The following CTNNA3 variants were observed in gnomAD, a reference collection of about 807,000 sequenced individuals.
CTNNA3 encodes catenin alpha 3.
Under a neutral mutation model 95.7 loss-of-function variants are expected in CTNNA3, and 76 were observed. That is an observed-to-expected ratio of 0.79 (90% confidence interval 0.66 to 0.96). The LOEUF (loss-of-function observed/expected upper bound fraction) is 0.96. CTNNA3 is among the 40% of genes least tolerant of loss of function. The probability of loss-of-function intolerance (pLI) is 0.00; values close to 1 mark genes in which losing one functional copy is unlikely to be tolerated. For missense variants in CTNNA3, 1,191 were observed against 1,089.8 expected (o/e 1.09, Z -1.31); for synonymous variants, 431 against 374.4 (o/e 1.15, Z -1.74).
intron 7 of CTNNA3, among the ~76,000 whole-genome samples, chr10:67,038,902 T>A (rs1052091930): frequency 6.6e-6 from 1 of 152,086 alleles, no homozygotes; most frequent in Non-Finnish European, 1.5e-5. Context: ...AAGGAACAAA[T>A]TAACTATAAA....
intron 13 of CTNNA3, among the ~76,000 whole-genome samples, chr10:66,138,820 C>A (rs759938547): frequency 6.6e-6 from 1 of 152,144 alleles, no homozygotes; most frequent in Non-Finnish European, 1.5e-5. Context: ...GATTGCACCA[C>A]TGCATTCCAG....
At chr10:66,047,307 A>T (rs1354733513) in intron 15 of CTNNA3, among the ~76,000 whole-genome samples, 1 of 152,014 alleles carries the variant, frequency 6.6e-6, no homozygotes, top group Non-Finnish European at 1.5e-5. Context: ...CATCCCTGGG[A>T]TGCAAGGTTG....
intron 7 of CTNNA3, among the ~76,000 whole-genome samples, chr10:66,987,030 C>A (rs556653469): frequency 1.6e-4 from 25 of 152,162 alleles, no homozygotes; most frequent in African/African-American, 3.1e-4. Context: ...AGAAACCAAG[C>A]AGATATACAA....
chr10:66,983,906 A>C (rs12775004), intron 7 of CTNNA3, among the ~76,000 whole-genome samples: 7,266 of 152,320 alleles, frequency 0.048, 210 homozygotes, highest in Middle Eastern at 0.071. Flanking sequence ...CTCTATGCTA[A>C]GTCCTTTGCA....
At chr10:67,528,067 CT>C (rs1314932741) in intron 4 of CTNNA3, among the ~76,000 whole-genome samples, 1 of 152,136 alleles carries the variant, frequency 6.6e-6, no homozygotes, top group Non-Finnish European at 1.5e-5. Flanking sequence ...CCTTCTGACT[CT>C]TTTTGTTTCC....
At chr10:67,164,362 G>A (rs1283592414) in intron 7 of CTNNA3, among the ~76,000 whole-genome samples, 5 of 152,068 alleles carry the variant, frequency 3.3e-5, no homozygotes, top group East Asian at 1.9e-4. Context: ...TCCAATGGAG[G>A]AACAAATAGT....
At chr10:66,742,339 C>T (rs1290011983) in intron 9 of CTNNA3, among the ~76,000 whole-genome samples, 1 of 152,154 alleles carries the variant, frequency 6.6e-6, no homozygotes, top group Admixed American at 6.5e-5. Flanking sequence ...GTTGTCTGCT[C>T]TCAAACCCTG....
intron 9 of CTNNA3, among the ~76,000 whole-genome samples, chr10:66,714,490 C>T (rs1848392458): frequency 1.3e-5 from 2 of 152,256 alleles, no homozygotes; most frequent in South Asian, 4.1e-4. Context: ...GACCCTTCAT[C>T]ACTGCTTCCA....
chr10:67,199,822 G>T (rs148647910), intron 6 of CTNNA3, among the ~76,000 whole-genome samples: 7 of 152,096 alleles, frequency 4.6e-5, no homozygotes, highest in Non-Finnish European at 8.8e-5. Flanking sequence ...AGATATTGAC[G>T]TTATGCAGTG....
chr10:66,656,877 G>A (rs1846091193), intron 9 of CTNNA3, among the ~76,000 whole-genome samples: 1 of 151,980 alleles, frequency 6.6e-6, no homozygotes, highest in African/African-American at 2.4e-5. Flanking sequence ...CTTCCCAAGA[G>A]TAAGAAAAAA....
chr10:66,322,742 C>T (rs951716877), intron 12 of CTNNA3, among the ~76,000 whole-genome samples: 1 of 152,032 alleles, frequency 6.6e-6, no homozygotes, highest in Admixed American at 6.5e-5. Context: ...GCCAGCTGCA[C>T]TTAAGTGTCA....
chr10:67,497,380 C>A (rs1338172002), intron 5 of CTNNA3, among the ~76,000 whole-genome samples: 1 of 152,130 alleles, frequency 6.6e-6, no homozygotes, highest in East Asian at 1.9e-4. Flanking sequence ...GTGAACAGTG[C>A]TCCCATAAAC....
chr10:66,339,628 C>T (rs1314533329), intron 12 of CTNNA3, among the ~76,000 whole-genome samples: 1 of 151,822 alleles, frequency 6.6e-6, no homozygotes, highest in Non-Finnish European at 1.5e-5. Context: ...TTTATTTCTA[C>T]AGACAGGGTT....
chr10:66,144,110 T>G (rs2083754794), intron 13 of CTNNA3, among the ~76,000 whole-genome samples: 1 of 152,206 alleles, frequency 6.6e-6, no homozygotes. Context: ...TTCACTGCAT[T>G]TTATTGCATT....
At chr10:65,999,748 T>A (rs2078733922) in intron 15 of CTNNA3, among the ~76,000 whole-genome samples, 1 of 152,186 alleles carries the variant, frequency 6.6e-6, no homozygotes, top group Non-Finnish European at 1.5e-5. Context: ...ATTCAAACGT[T>A]GTTTGCTGCC....
chr10:66,775,348 T>C, intron 8 of CTNNA3, 96 bp downstream of exon 8: 5 of 798,980 alleles, frequency 6.3e-6, no homozygotes, highest in Non-Finnish European at 1.0e-5. Context: ...CTAAATTAAT[T>C]TGAAAGGAAC....
intron 13 of CTNNA3, among the ~76,000 whole-genome samples, chr10:66,235,655 C>T (rs2089815249): frequency 6.6e-6 from 1 of 151,988 alleles, no homozygotes; most frequent in South Asian, 2.1e-4. Context: ...AGTTTGGTCA[C>T]ATATTTAGTT....
chr10:66,899,520 C>T (rs1036639644), intron 7 of CTNNA3, among the ~76,000 whole-genome samples: 15 of 152,202 alleles, frequency 9.9e-5, no homozygotes, highest in South Asian at 4.1e-4. Flanking sequence ...GTGCAGCCCA[C>T]GGAGGGTGAG....
At chr10:66,619,313 A>G (rs989128254) in intron 10 of CTNNA3, among the ~76,000 whole-genome samples, 2 of 151,102 alleles carry the variant, frequency 1.3e-5, no homozygotes, top group South Asian at 4.2e-4. Flanking sequence ...AACAAACCCA[A>G]ATGTCCAACA....
Sources: allele counts gnomAD v4.1 joint callset (sites outside exome capture counted in the v4.1 genomes callset), GRCh38; gene constraint gnomAD v4.1.1; transcripts MANE v1.5; gene names NCBI Gene and HGNC (gene_info 2026-07-23, HGNC 2026-07-21).